The following ITPR1 variants were observed in gnomAD, a reference collection of about 807,000 sequenced individuals.
ITPR1 encodes inositol 1,4,5-trisphosphate-gated calcium channel ITPR1.
Under a neutral mutation model 318.4 loss-of-function variants are expected in ITPR1, and 96 were observed. The observed-to-expected ratio is 0.30, with a 90% CI of 0.26 to 0.36. The LOEUF is 0.36. Among genes scored for constraint, ITPR1 ranks in the 10% least tolerant of loss-of-function variants. The probability of loss-of-function intolerance (pLI) is 1.00; values close to 1 mark genes in which losing one functional copy is unlikely to be tolerated. For missense variants in ITPR1, 2,440 were observed against 3,460.2 expected, an observed-to-expected ratio of 0.71 and a Z score of 7.40; for synonymous variants, 1,312 against 1,289.9, an observed-to-expected ratio of 1.02 and a Z score of -0.37.
chr3:4,786,434 C>A (rs1371274835), intron 51 of ITPR1, among the ~76,000 whole-genome samples: 1 of 152,232 alleles, frequency 6.6e-6, no homozygotes, highest in Non-Finnish European at 1.5e-5. Flanking sequence ...TGTCTCACCT[C>A]TAAGAGAGTT....
chr3:4,828,457 G>A (rs1193286343), intron 60 of ITPR1, among the ~76,000 whole-genome samples: 2 of 152,054 alleles, frequency 1.3e-5, no homozygotes, highest in African/African-American at 4.8e-5. Context: ...GTCTCAAATG[G>A]GCTCGCCCTG....
At chr3:4,830,818 AT>A (rs1339736156) in intron 60 of ITPR1, 5 of 403,454 alleles carry the variant, frequency 1.2e-5, no homozygotes, top group African/African-American at 8.4e-5. Context: ...TCTAGGACCC[AT>A]CTTCTCCCCC....
intron 4 of ITPR1, among the ~76,000 whole-genome samples, chr3:4,525,633 T>TTTAG (rs2082919038): frequency 6.6e-6 from 1 of 152,182 alleles, no homozygotes; most frequent in Non-Finnish European, 1.5e-5. Flanking sequence ...ATACAGCAAC[T>TTTAG]TTAGTTCTTT....
intron 2 of ITPR1, among the ~76,000 whole-genome samples, chr3:4,497,791 A>G (rs2080710949): frequency 6.6e-6 from 1 of 151,320 alleles, no homozygotes; most frequent in Non-Finnish European, 1.5e-5. Flanking sequence ...ACAGTAGCCA[A>G]AAGGTAGAAA....
rs1311651347 is a variant in ITPR1 at position 4,501,932 on chromosome 3, A to G, written c.-17+7426A>G. ...GCAGAACTTCTGGATGGCTTGATAT[A>G]ATGCGGCTTATCAGAAGAAGATGAA... On this transcript the variant is annotated intron_variant, in intron 2 of 61. Transcript: ENST00000649015. 6.6e-5 allele frequency among the ~76,000 whole-genome samples: 10 copies of G among 152,318 alleles called. No individual in the cohort carries two copies. The East Asian group carries it at 1.7e-3, about 26-fold the overall frequency.
chr3:4,829,546 G>A (rs2050303707), intron 60 of ITPR1, among the ~76,000 whole-genome samples: 1 of 152,150 alleles, frequency 6.6e-6, no homozygotes, highest in African/African-American at 2.4e-5. Flanking sequence ...ATTTTTTAGA[G>A]CAGTTTGAAG....
At chr3:4,518,040 A>G (rs1014163077) in intron 3 of ITPR1, among the ~76,000 whole-genome samples, 2 of 152,206 alleles carry the variant, frequency 1.3e-5, no homozygotes, top group Non-Finnish European at 2.9e-5. Flanking sequence ...AGAGAGGCAA[A>G]GTCACTTGCC....
chr3:4,493,886 CTTTTTT>C (rs71301158), intron 1 of ITPR1, among the ~76,000 whole-genome samples: 2 of 125,622 alleles, frequency 1.6e-5, no homozygotes. Context: ...GGAAATAGTT[CTTTTTT>C]TTTTTTTTTT....
At chr3:4,794,439 T>C (rs1431963636) in intron 52 of ITPR1, among the ~76,000 whole-genome samples, 1 of 152,192 alleles carries the variant, frequency 6.6e-6, no homozygotes, top group African/African-American at 2.4e-5. Context: ...TACCCCTCGC[T>C]TCCCTGTCCT....
intron 4 of ITPR1, among the ~76,000 whole-genome samples, chr3:4,573,795 C>G (rs2088293274): frequency 6.6e-6 from 1 of 152,210 alleles, no homozygotes; most frequent in African/African-American, 2.4e-5. Flanking sequence ...TCAACTTTTT[C>G]TATTCTCTTA....
chr3:4,676,429 T>C (rs893809219), intron 23 of ITPR1, among the ~76,000 whole-genome samples, 185 bp from the exon 24 acceptor site: 2 of 152,194 alleles, frequency 1.3e-5, no homozygotes, highest in Admixed American at 6.5e-5. Flanking sequence ...CCGTGATCTT[T>C]CTGTTGCTCT....
intron 26 of ITPR1, among the ~76,000 whole-genome samples, chr3:4,681,983 A>T (rs1375612542): frequency 6.6e-6 from 1 of 152,234 alleles, no homozygotes; most frequent in Non-Finnish European, 1.5e-5. Flanking sequence ...TATACCTCCA[A>T]GTATAAAATT....
At chr3:4,660,007 A>G (rs1559633502) in intron 13 of ITPR1, among the ~76,000 whole-genome samples, 1 of 152,188 alleles carries the variant, frequency 6.6e-6, no homozygotes, top group South Asian at 2.1e-4. Context: ...TGAAGGAAGA[A>G]TACCTAAAAA....
At chr3:4,614,670 A>G (rs907015158) in intron 4 of ITPR1, among the ~76,000 whole-genome samples, 2 of 152,206 alleles carry the variant, frequency 1.3e-5, no homozygotes, top group African/African-American at 4.8e-5. Flanking sequence ...TGCTAGACGC[A>G]TGACATGCAA....
chr3:4,667,742 C>T (rs2093982410), intron 18 of ITPR1, among the ~76,000 whole-genome samples, 193 bp downstream of exon 18: 1 of 152,120 alleles, frequency 6.6e-6, no homozygotes, highest in Non-Finnish European at 1.5e-5. Context: ...TTCCTAGCTC[C>T]AGTGTGTCCC....
chr3:4,757,951 G>A (rs1459943707), intron 44 of ITPR1, among the ~76,000 whole-genome samples: 1 of 152,108 alleles, frequency 6.6e-6, no homozygotes, highest in Non-Finnish European at 1.5e-5. Flanking sequence ...AGTCTGGTGG[G>A]AGATGTCCTC....
In ITPR1 at chr3:4,654,764, G is replaced by A. The variant is rs74704999; in HGVS notation, c.996+878G>A. On this transcript the variant is annotated intron_variant, in intron 12 of 61. Coordinates refer to ENST00000649015, the MANE Select transcript of ITPR1 (RefSeq NM_001378452.1). Reference sequence around the variant, plus strand: ...CTTTAATGAAGGGAATTGGGTGAAGGGAATTCAAATTGTAATTGTCCTTGG... The same window carrying A: ...CTTTAATGAAGGGAATTGGGTGAAGAGAATTCAAATTGTAATTGTCCTTGG... 4.0e-3 allele frequency among the ~76,000 whole-genome samples: 607 copies of A among 152,276 alleles called. 3 individuals are homozygous for A. Among genetic ancestry groups the A allele is most frequent in the African/African-American group, 0.014 (591 of 41,556 alleles).
At chr3:4,814,052 G>C (rs2049115882) in intron 57 of ITPR1, among the ~76,000 whole-genome samples, 1 of 152,186 alleles carries the variant, frequency 6.6e-6, no homozygotes, top group African/African-American at 2.4e-5. Flanking sequence ...CCTGTGTCCT[G>C]TGGCATAACC....
chr3:4,707,456 T>C (rs2094783728), intron 37 of ITPR1, among the ~76,000 whole-genome samples: 1 of 152,222 alleles, frequency 6.6e-6, no homozygotes, highest in East Asian at 1.9e-4. Context: ...ATGGCGGCTG[T>C]GTCCCAAGAT....
Sources: gnomAD v4.1 joint callset for allele counts (sites outside exome capture counted in the v4.1 genomes callset) on GRCh38, gnomAD v4.1.1 for gene constraint, MANE v1.5 for transcripts, NCBI Gene and HGNC (gene_info 2026-07-23, HGNC 2026-07-21) for gene names.